UBE2E2: variants seen among roughly 807,000 people sequenced by gnomAD.
UBE2E2 encodes ubiquitin conjugating enzyme E2 E2, also known as ubiquitin-conjugating enzyme E2 E2.
Under a neutral mutation model 24.7 loss-of-function variants are expected in UBE2E2, and 6 were observed. That is an observed-to-expected ratio of 0.24 (90% CI 0.13 to 0.48). UBE2E2 has a LOEUF of 0.48. Among genes scored for constraint, UBE2E2 ranks in the 20% least tolerant of loss-of-function variants. UBE2E2 has a pLI of 0.99. For synonymous variants in UBE2E2, 104 were observed against 83.6 expected (o/e 1.24, Z -1.33); for missense variants, 169 against 245.0 (o/e 0.69, Z 2.07).
intron 3 of UBE2E2, among the ~76,000 whole-genome samples, chr3:23,245,930 G>A (rs1697382349): frequency 6.6e-6 from 1 of 152,184 alleles, no homozygotes; most frequent in Non-Finnish European, 1.5e-5. Context: ...TAATGGATAA[G>A]TAGGTGGATA....
intron 3 of UBE2E2, among the ~76,000 whole-genome samples, chr3:23,290,958 A>G (rs892554982): frequency 6.7e-6 from 1 of 150,198 alleles, no homozygotes; most frequent in African/African-American, 2.5e-5. Flanking sequence ...AGTCTCAGCT[A>G]CTTGGGAGGC....
intron 5 of UBE2E2, among the ~76,000 whole-genome samples, chr3:23,545,039 C>T (rs1452666188): frequency 6.6e-6 from 1 of 152,266 alleles, no homozygotes; most frequent in African/African-American, 2.4e-5. Flanking sequence ...GCATGTCCCA[C>T]CTCCAGCCCT....
At chr3:23,479,268 A>AGGG (rs1209324108) in intron 3 of UBE2E2, among the ~76,000 whole-genome samples, 2 of 152,186 alleles carry the variant, frequency 1.3e-5, no homozygotes, top group Non-Finnish European at 2.9e-5. Context: ...CACTGTGCAT[A>AGGG]GCCAGGCATG....
At chr3:23,359,809 G>A (rs570774610) in intron 3 of UBE2E2, among the ~76,000 whole-genome samples, 78 of 152,172 alleles carry the variant, frequency 5.1e-4, no homozygotes, top group Middle Eastern at 6.8e-3. Context: ...CTCAGACAGG[G>A]GAGATTCATG....
intron 3 of UBE2E2, among the ~76,000 whole-genome samples, chr3:23,308,961 C>T (rs1575550777): frequency 6.6e-6 from 1 of 152,314 alleles, no homozygotes; most frequent in South Asian, 2.1e-4. Context: ...TGTCCAAGCA[C>T]AGGTGGAGGA....
intron 5 of UBE2E2, among the ~76,000 whole-genome samples, chr3:23,556,454 T>TAAAAAAAAAAAAAAAAAAAAAAAAAA (rs5847239): frequency 9.5e-5 from 9 of 94,302 alleles, no homozygotes; most frequent in African/African-American, 3.2e-4. Flanking sequence ...AAAATTTATT[T>TAAAAAAAAAAAAAAAAAAAAAAAAAA]AAAAAAAAAA....
chr3:23,475,972 A>T (rs1233246662), intron 3 of UBE2E2, among the ~76,000 whole-genome samples: 1 of 152,132 alleles, frequency 6.6e-6, no homozygotes, highest in Non-Finnish European at 1.5e-5. Flanking sequence ...GGAGTTAATC[A>T]GAAGTCAGCA....
At chr3:23,508,675 A>G (rs938822532) in intron 4 of UBE2E2, among the ~76,000 whole-genome samples, 8 of 152,216 alleles carry the variant, frequency 5.3e-5, no homozygotes, top group Admixed American at 3.3e-4. Context: ...GGAGGTTTCA[A>G]ACAAGTATTT....
rs73821825 is a variant in UBE2E2 at position 23,491,402 on chromosome 3, A to C, written c.228-8206A>C. On this transcript the variant is annotated intron_variant, in intron 3 of 5. Transcript: ENST00000396703. ...AGAGGCCTATGTCTATGTTTTTATA[A>C]CGTTTATATTTGCACAGAATGTTAC... Among the ~76,000 whole-genome samples, 1,082 of 152,288 alleles carry C rather than the reference A, an allele frequency of 7.1e-3. 13 individuals are homozygous for C. Among genetic ancestry groups the C allele is most frequent in the African/African-American group, 0.025 (1,039 of 41,562 alleles).
At chr3:23,261,239 C>G (rs997402070) in intron 3 of UBE2E2, among the ~76,000 whole-genome samples, 1 of 150,798 alleles carries the variant, frequency 6.6e-6, no homozygotes, top group African/African-American at 2.4e-5. Context: ...TAATATTCTA[C>G]TTAGAAATTC....
At chr3:23,518,311 A>G (rs1694787672) in intron 4 of UBE2E2, among the ~76,000 whole-genome samples, 1 of 152,234 alleles carries the variant, frequency 6.6e-6, no homozygotes, top group Admixed American at 6.5e-5. Flanking sequence ...ATTGCCTGGG[A>G]TAAAAGAAAA....
At chr3:23,336,728 T>C (rs1278719693) in intron 3 of UBE2E2, among the ~76,000 whole-genome samples, 2 of 152,194 alleles carry the variant, frequency 1.3e-5, no homozygotes, top group East Asian at 1.9e-4. Flanking sequence ...AAAAAAATAG[T>C]TGATTATGCT....
At chr3:23,352,496 TAAA>T (rs1467698823) in intron 3 of UBE2E2, among the ~76,000 whole-genome samples, 34 of 151,516 alleles carry the variant, frequency 2.2e-4, no homozygotes, top group Middle Eastern at 3.4e-3. Flanking sequence ...GCAAGACTAA[TAAA>T]GAAGAAAAGA....
At chr3:23,318,380 A>AT (rs1253901109) in intron 3 of UBE2E2, among the ~76,000 whole-genome samples, 1 of 152,216 alleles carries the variant, frequency 6.6e-6, no homozygotes, top group Non-Finnish European at 1.5e-5. Flanking sequence ...TAAAGTTGCT[A>AT]TTTAATCAAT....
At chr3:23,349,549 C>A (rs554182276) in intron 3 of UBE2E2, among the ~76,000 whole-genome samples, 1 of 152,224 alleles carries the variant, frequency 6.6e-6, no homozygotes, top group Non-Finnish European at 1.5e-5. Context: ...GCTTTTCTGA[C>A]GGGCTTAAAA....
chr3:23,476,139 T>G (rs1699129241), intron 3 of UBE2E2, among the ~76,000 whole-genome samples: 1 of 152,112 alleles, frequency 6.6e-6, no homozygotes, highest in Admixed American at 6.5e-5. Flanking sequence ...TGGATTTTCG[T>G]TCCCTTACCT....
chr3:23,323,887 T>A (rs1238591097), intron 3 of UBE2E2, among the ~76,000 whole-genome samples: 1 of 152,166 alleles, frequency 6.6e-6, no homozygotes, highest in African/African-American at 2.4e-5. Flanking sequence ...CATGCCATGA[T>A]TGATTATTGA....
At chr3:23,554,576 A>C (rs1200696962) in intron 5 of UBE2E2, among the ~76,000 whole-genome samples, 1 of 152,164 alleles carries the variant, frequency 6.6e-6, no homozygotes, top group Non-Finnish European at 1.5e-5. Context: ...AAATCAACTC[A>C]AGATAGATAA....
rs763108158 is a variant in UBE2E2, at chr3:23,337,708, TGAAA to T, written c.227+120400_227+120403del. ...AACAGTATGTGCAAGAACTGGAGTA[TGAAA>T]GAAGAATTCAAAAAGGTTAATATAG... On this transcript the variant is annotated intron_variant, in intron 3 of 5. Transcript: ENST00000396703. Among the ~76,000 whole-genome samples the T allele has an allele frequency of 2.2e-4, 34 of 152,072 alleles. No individual in the cohort carries two copies. In the East Asian group the frequency reaches 2.7e-3, roughly 12 times the overall value.
Sources: allele counts gnomAD v4.1 joint callset (sites outside exome capture counted in the v4.1 genomes callset), GRCh38; gene constraint gnomAD v4.1.1; transcripts MANE v1.5; gene names NCBI Gene and HGNC (gene_info 2026-07-23, HGNC 2026-07-21).